Variants in CIROZ observed in about 807,000 individuals in gnomAD.
CIROZ encodes ciliated left-right organizer protein containing ZP-N domains.
chr1:10,967,505 C>T, the CIROZ span, among the ~76,000 whole-genome samples: 2 of 152,232 alleles, frequency 1.3e-5, no homozygotes, highest in Admixed American at 6.5e-5. Context: ...CTTTTCTGCA[C>T]AATCATTGTC....
At chr1:10,951,503 G>A in the CIROZ span, among the ~76,000 whole-genome samples, 19 of 151,000 alleles carry the variant, frequency 1.3e-4, no homozygotes, top group African/African-American at 4.4e-4. Flanking sequence ...CCAAGATTGC[G>A]TCATTGCACT....
chr1:10,951,097 G>A, the CIROZ span, among the ~76,000 whole-genome samples: 3 of 152,028 alleles, frequency 2.0e-5, no homozygotes, highest in Non-Finnish European at 4.4e-5. Context: ...GACATTCCCC[G>A]TCCCACCCCG....
At chr1:10,966,803 C>G in the CIROZ span, among the ~76,000 whole-genome samples, 1 of 152,006 alleles carries the variant, frequency 6.6e-6, no homozygotes, top group Non-Finnish European at 1.5e-5. Flanking sequence ...TGCAGCAGCC[C>G]GCAGGATCCT....
the CIROZ span, chr1:10,970,194 C>G: frequency 9.1e-7 from 1 of 1,103,450 alleles, no homozygotes; most frequent in African/African-American, 1.6e-5. Flanking sequence ...AGGAGCTCCT[C>G]TCAGCCTGGC....
At chr1:10,981,053 T>A in the CIROZ span, among the ~76,000 whole-genome samples, 1 of 152,276 alleles carries the variant, frequency 6.6e-6, no homozygotes, top group East Asian at 1.9e-4. Context: ...ACATTCCAGC[T>A]GGCCTGGGAG....
At chr1:10,973,843 G>C in the CIROZ span, among the ~76,000 whole-genome samples, 1 of 152,152 alleles carries the variant, frequency 6.6e-6, no homozygotes, top group East Asian at 1.9e-4. Context: ...TGTGCTCTTG[G>C]GGGAGGGCTA....
chr1:10,962,316 G>C, the CIROZ span, among the ~76,000 whole-genome samples: 1 of 151,980 alleles, frequency 6.6e-6, no homozygotes, highest in African/African-American at 2.4e-5. Flanking sequence ...GTATGGTAAT[G>C]CATGCCTGTA....
At chr1:10,950,900 AG>A in the CIROZ span, among the ~76,000 whole-genome samples, 1 of 152,202 alleles carries the variant, frequency 6.6e-6, no homozygotes, top group Admixed American at 6.5e-5. Context: ...TTGGCTACAC[AG>A]GCCTGCCTCC....
At chr1:10,969,835 G>A in the CIROZ span, 3 of 1,311,850 alleles carry the variant, frequency 2.3e-6, no homozygotes, top group Non-Finnish European at 3.0e-6. Flanking sequence ...GGCTGTGGGG[G>A]GAGGTGGCCT....
At chr1:10,966,604 G>T in the CIROZ span, 3 of 1,091,012 alleles carry the variant, frequency 2.7e-6, no homozygotes, top group Non-Finnish European at 3.7e-6. Flanking sequence ...ACCTGGAAGG[G>T]ATAAAAATAG....
At chr1:10,972,224 GA>G in the CIROZ span, among the ~76,000 whole-genome samples, 1 of 152,204 alleles carries the variant, frequency 6.6e-6, no homozygotes, top group African/African-American at 2.4e-5. Flanking sequence ...GCCCTGCCCA[GA>G]GTTGATAGAG....
At chr1:10,948,619 C>A in the CIROZ span, 1 of 1,614,026 alleles carries the variant, frequency 6.2e-7, no homozygotes, top group Non-Finnish European at 8.5e-7. Flanking sequence ...AGGGTCAGAG[C>A]CGGGTGCGTT....
At chr1:10,949,643 G>A in the CIROZ span, 3 of 1,605,626 alleles carry the variant, frequency 1.9e-6, no homozygotes, top group South Asian at 1.1e-5. Flanking sequence ...TGCGTCGGAA[G>A]GCCGGTGCAG....
chr1:10,980,613 G>A, the CIROZ span, among the ~76,000 whole-genome samples: 9 of 152,220 alleles, frequency 5.9e-5, no homozygotes, highest in Admixed American at 5.2e-4. Context: ...GCTGAGTCCC[G>A]GCCTTGCCAG....
At chr1:10,958,769 G>A in the CIROZ span, 2 of 1,613,694 alleles carry the variant, frequency 1.2e-6, no homozygotes, top group Middle Eastern at 1.6e-4. Flanking sequence ...AGACAAAGAG[G>A]AAGCAATGTC....
the CIROZ span, chr1:10,948,154 G>A: frequency 6.2e-7 from 1 of 1,613,558 alleles, no homozygotes; most frequent in Non-Finnish European, 8.5e-7. Flanking sequence ...TCCCTCGCTG[G>A]CAGGATGGAG....
the CIROZ span, chr1:10,949,669 C>A: frequency 1.2e-6 from 2 of 1,607,258 alleles, no homozygotes; most frequent in Non-Finnish European, 1.7e-6. Flanking sequence ...CCCGAGAAAG[C>A]CATTCCTGGG....
At chr1:10,951,946 A>G in the CIROZ span, among the ~76,000 whole-genome samples, 23,295 of 151,868 alleles carry the variant, frequency 0.15, 2,425 homozygotes, top group South Asian at 0.4. Flanking sequence ...CAATTCTAGC[A>G]TATATTAATA....
At chr1:10,965,820 CAA>C in the CIROZ span, among the ~76,000 whole-genome samples, 187 of 106,948 alleles carry the variant, frequency 1.7e-3, no homozygotes, top group Non-Finnish European at 1.8e-3. Flanking sequence ...GAGCCTCCGT[CAA>C]AAAAAAAAAA....
Sources: gnomAD v4.1 joint callset for allele counts (sites outside exome capture counted in the v4.1 genomes callset) on GRCh38, gnomAD v4.1.1 for gene constraint, MANE v1.5 for transcripts, NCBI Gene and HGNC (gene_info 2026-07-23, HGNC 2026-07-21) for gene names.